The following CSMD2 variants were observed in gnomAD, a reference collection of about 807,000 sequenced individuals.
CSMD2 encodes CUB and Sushi multiple domains 2, also known as CUB and sushi domain-containing protein 2.
Under a neutral mutation model 398.5 loss-of-function variants are expected in CSMD2, and 130 were observed. That is an observed-to-expected ratio of 0.33 (90% CI 0.28 to 0.38). CSMD2 has a LOEUF of 0.38. CSMD2 is among the 10% of genes least tolerant of loss of function. The pLI, the probability that CSMD2 is intolerant of heterozygous loss-of-function variation, is 1.00. For missense variants in CSMD2, 3,829 were observed against 4,764.9 expected (o/e 0.80, Z 5.78); for synonymous variants, 1,828 against 1,908.5 (o/e 0.96, Z 1.10).
chr1:33,516,905 G>GAA (rs3043317), intron 70 of CSMD2, among the ~76,000 whole-genome samples: 1 of 149,824 alleles, frequency 6.7e-6, no homozygotes, highest in Admixed American at 6.7e-5. Context: ...AAAATCAGAT[G>GAA]AAAAAAAAAA....
intron 57 of CSMD2, among the ~76,000 whole-genome samples, chr1:33,544,273 A>ATTTT (rs34986232): frequency 7.3e-6 from 1 of 136,942 alleles, no homozygotes; most frequent in African/African-American, 2.8e-5. Context: ...CGACCGGCTA[A>ATTTT]TTTTTTTTTT....
At chr1:34,096,119 T>G (rs952574485) in intron 1 of CSMD2, among the ~76,000 whole-genome samples, 1 of 151,996 alleles carries the variant, frequency 6.6e-6, no homozygotes, top group African/African-American at 2.4e-5. Context: ...CGCAAATCAA[T>G]AAATGTAATC....
chr1:33,802,439 T>C (rs1291086198), intron 10 of CSMD2, among the ~76,000 whole-genome samples: 9 of 152,234 alleles, frequency 5.9e-5, no homozygotes, highest in Admixed American at 5.9e-4. Context: ...GGTGTCTTGA[T>C]GTAGGTTCTT....
At chr1:33,971,031 A>G (rs1174166007) in intron 3 of CSMD2, among the ~76,000 whole-genome samples, 1 of 152,164 alleles carries the variant, frequency 6.6e-6, no homozygotes, top group Non-Finnish European at 1.5e-5. Flanking sequence ...CTGGCACAAC[A>G]TAAACACTCA....
chr1:34,026,577 G>A (rs1382383303), intron 3 of CSMD2, among the ~76,000 whole-genome samples: 1 of 152,218 alleles, frequency 6.6e-6, no homozygotes, highest in African/African-American at 2.4e-5. Context: ...CGAGATCCAT[G>A]CTGCTAAAAT....
At chr1:34,076,877 A>G (rs534446858) in intron 2 of CSMD2, among the ~76,000 whole-genome samples, 1 of 128,982 alleles carries the variant, frequency 7.8e-6, no homozygotes, top group Non-Finnish European at 1.6e-5. Context: ...AGACTGGTGT[A>G]TATTCCACTG....
intron 5 of CSMD2, among the ~76,000 whole-genome samples, chr1:33,859,717 C>T (rs967037843): frequency 1.3e-5 from 2 of 152,172 alleles, no homozygotes; most frequent in Non-Finnish European, 2.9e-5. Flanking sequence ...ATTTGACATA[C>T]ACATGCTTAT....
At chr1:33,756,020 T>C (rs1569753254) in intron 13 of CSMD2, among the ~76,000 whole-genome samples, 1 of 152,176 alleles carries the variant, frequency 6.6e-6, no homozygotes. Flanking sequence ...TAGCCCTCTC[T>C]CATTCCTAAG....
intron 2 of CSMD2, among the ~76,000 whole-genome samples, chr1:34,077,273 C>T (rs1477546987): frequency 3.3e-5 from 5 of 151,120 alleles, no homozygotes; most frequent in African/African-American, 7.3e-5. Context: ...TTGGCTAACA[C>T]GGTGAATCCC....
At chr1:33,670,312 T>C (rs972887000) in intron 25 of CSMD2, among the ~76,000 whole-genome samples, 5 of 152,214 alleles carry the variant, frequency 3.3e-5, no homozygotes, top group African/African-American at 1.2e-4. Flanking sequence ...AGGCCTGACC[T>C]GTACTAGCCC....
At chr1:33,639,685 G>C (rs1028424694) in intron 29 of CSMD2, among the ~76,000 whole-genome samples, 9 of 152,124 alleles carry the variant, frequency 5.9e-5, no homozygotes, top group Admixed American at 3.3e-4. Context: ...ATACTTTGAG[G>C]CTTGGAAAAT....
rs1282871149 is a variant in CSMD2, at chr1:33,825,717, T to C, written c.1091A>G (p.Asn364Ser). The change falls in exon 7 of 71, where the codon AAC becomes AGC. Residue 364 changes from asparagine (N) to serine (S), a missense_variant. By Grantham distance (46) the Asn-to-Ser change is conservative. Coordinates refer to ENST00000373381, the MANE Select transcript of CSMD2 (RefSeq NM_001281956.2). ...CTTACACACAGACGTCTTCTGGCTGTTGTCTTTGCTGGGCATCAGCTTCAC... is the reference window on the plus strand; with the variant it reads ...CTTACACACAGACGTCTTCTGGCTGCTGTCTTTGCTGGGCATCAGCTTCAC... The part of the protein sequence containing the change: ...RGVKLMPSKD[N>S]SQKTSVLTQV... 4 of 1,613,392 alleles carry C rather than the reference T, an allele frequency of 2.5e-6. No individual in the cohort carries two copies. Among genetic ancestry groups the C allele is most frequent in the Non-Finnish European group, 3.4e-6 (4 of 1,179,822 alleles).
At chr1:33,683,101 A>C (rs1165726827) in intron 25 of CSMD2, among the ~76,000 whole-genome samples, 1 of 152,088 alleles carries the variant, frequency 6.6e-6, no homozygotes, top group Non-Finnish European at 1.5e-5. Context: ...CTACTACTTC[A>C]ATGCTTTTAT....
At chr1:33,662,661 A>G (rs72890898) in intron 26 of CSMD2, among the ~76,000 whole-genome samples, 3,410 of 152,276 alleles carry the variant, frequency 0.022, 102 homozygotes, top group African/African-American at 0.074. Flanking sequence ...GTATGTCTCC[A>G]TCCAGATGCT....
At chr1:33,941,111 G>A (rs757786803) in intron 3 of CSMD2, among the ~76,000 whole-genome samples, 137 of 152,072 alleles carry the variant, frequency 9.0e-4, no homozygotes, top group Non-Finnish European at 2.6e-4. Flanking sequence ...TACATCCAAC[G>A]CAGCCCAGAA....
chr1:34,152,009 ATTAT>A (rs758982431), intron 1 of CSMD2, among the ~76,000 whole-genome samples: 51 of 152,038 alleles, frequency 3.4e-4, no homozygotes, highest in Non-Finnish European at 6.2e-4. Flanking sequence ...TACCCAGCTA[ATTAT>A]TTATTTATTT....
In CSMD2 at chr1:34,057,542, C is replaced by T. The variant is rs568756055; in HGVS notation, c.405-24836G>A. Among the ~76,000 whole-genome samples the T allele has an allele frequency of 2.0e-5, 3 of 152,278 alleles. No homozygotes were observed. The South Asian group carries it at 6.2e-4, about 32-fold the overall frequency. ...TGTCTCAGTCCCCGCCCCCTCCCGGCAGGCAGCTCAAAGGCTGAGCCAGAG... is the reference window on the plus strand; with the variant it reads ...TGTCTCAGTCCCCGCCCCCTCCCGGTAGGCAGCTCAAAGGCTGAGCCAGAG... On this transcript the variant is annotated intron_variant, in intron 2 of 70. Coordinates refer to ENST00000373381, the MANE Select transcript of CSMD2 (RefSeq NM_001281956.2).
intron 2 of CSMD2, among the ~76,000 whole-genome samples, chr1:34,084,288 C>G (rs185883444): frequency 3.3e-5 from 5 of 152,324 alleles, no homozygotes; most frequent in Admixed American, 1.3e-4. Flanking sequence ...CCAGACCAGT[C>G]TCTGCTGAGT....
chr1:33,826,789 C>G lies in CSMD2; in HGVS notation c.1034-1015G>C, dbSNP rs112886826. Among the ~76,000 whole-genome samples the G allele has an allele frequency of 3.2e-3, 487 of 152,316 alleles. 6 individuals are homozygous for G. The highest frequency in any genetic ancestry group is 0.017 in the Middle Eastern group (5 of 294). ...AAGGCATTCTCTTGGCCTCTAACAG[C>G]TTCACCCTGTCTCTGGTTATATGCC... On this transcript the variant is annotated intron_variant, in intron 6 of 70. Transcript: ENST00000373381.
Sources: gnomAD v4.1 joint callset for allele counts (sites outside exome capture counted in the v4.1 genomes callset) on GRCh38, gnomAD v4.1.1 for gene constraint, MANE v1.5 for transcripts, NCBI Gene and HGNC (gene_info 2026-07-23, HGNC 2026-07-21) for gene names.